Variants in AUTS2 observed in about 807,000 individuals in gnomAD.
AUTS2 encodes the protein activator of transcription and developmental regulator AUTS2.
In AUTS2, 17 loss-of-function variants were observed where a neutral mutation model predicts 112.4. That is an observed-to-expected ratio of 0.15 (90% confidence interval 0.10 to 0.23). AUTS2 has a LOEUF of 0.23. AUTS2 is among the 10% of genes least tolerant of loss of function. AUTS2 has a pLI of 1.00. For missense variants in AUTS2, 1,510 were observed against 1,701.6 expected, an observed-to-expected ratio of 0.89 and a Z score of 1.98; for synonymous variants, 751 against 702.7, an observed-to-expected ratio of 1.07 and a Z score of -1.09.
intron 18 of AUTS2, among the ~76,000 whole-genome samples, chr7:70,789,382 A>G (rs1791726126): frequency 6.6e-6 from 1 of 152,160 alleles, no homozygotes; most frequent in Non-Finnish European, 1.5e-5. Flanking sequence ...GGGAGTCCAG[A>G]CAGTCGGGCT....
rs912996674 is a variant in AUTS2 at position 70,766,483 on chromosome 7, C to T, written c.1689+149C>T. On this transcript the variant is annotated intron_variant, in intron 9 of 18. Transcript: ENST00000342771. The surrounding 1 kb of genome is among the most constrained non-coding windows in gnomAD (Gnocchi z 4.8). Reference sequence around the variant, plus strand: ...GGAGAGAAGGGAATGTGTCCTAGTGCCCTGCCTCAGGCAGCTCTGACTTCA... The same window carrying T: ...GGAGAGAAGGGAATGTGTCCTAGTGTCCTGCCTCAGGCAGCTCTGACTTCA... The T allele has an allele frequency of 7.7e-6, 8 of 1,038,174 alleles. No individual in the cohort carries two copies. Among genetic ancestry groups the T allele is most frequent in the Middle Eastern group, 2.9e-4 (1 of 3,482 alleles). The allele number at this position is 1,038,174 out of a possible 1,614,324, so 64.3% of individuals were successfully genotyped here. A position where few individuals can be genotyped will look rare whatever the true frequency, so the allele number is the denominator to read the frequency against.
chr7:70,147,034 A>T (rs1053522136), intron 4 of AUTS2, among the ~76,000 whole-genome samples: 6 of 152,122 alleles, frequency 3.9e-5, no homozygotes, highest in Admixed American at 6.6e-5. Flanking sequence ...TACAGTACAC[A>T]TTACCAAGTT....
At chr7:69,660,891 G>C (rs1446596695) in intron 1 of AUTS2, among the ~76,000 whole-genome samples, 1 of 152,202 alleles carries the variant, frequency 6.6e-6, no homozygotes, top group African/African-American at 2.4e-5. Context: ...CTGAGATCGC[G>C]CCACTGCACT....
intron 3 of AUTS2, among the ~76,000 whole-genome samples, chr7:70,130,427 T>C (rs910667378): frequency 6.6e-6 from 1 of 152,026 alleles, no homozygotes; most frequent in African/African-American, 2.4e-5. Context: ...AGTGAAGAGA[T>C]GGAAGGAAAG....
chr7:70,219,140 C>T (rs191118404), intron 4 of AUTS2, among the ~76,000 whole-genome samples: 11 of 152,106 alleles, frequency 7.2e-5, no homozygotes, highest in African/African-American at 1.7e-4. Context: ...AGAGACATAC[C>T]GTATGATGGG....
At chr7:70,450,963 A>T (rs896093340) in intron 5 of AUTS2, among the ~76,000 whole-genome samples, 6 of 152,098 alleles carry the variant, frequency 3.9e-5, no homozygotes, top group African/African-American at 7.2e-5. Flanking sequence ...GATGGAGAAA[A>T]TAGGAGCTCA....
intron 1 of AUTS2, among the ~76,000 whole-genome samples, chr7:69,741,029 C>T (rs954271802): frequency 2.0e-5 from 3 of 152,132 alleles, no homozygotes; most frequent in African/African-American, 4.8e-5. Flanking sequence ...GGAAAGATTT[C>T]CTTTGGAGAG....
chr7:70,432,243 A>T (rs952443618), intron 4 of AUTS2, among the ~76,000 whole-genome samples: 1 of 152,174 alleles, frequency 6.6e-6, no homozygotes, highest in Non-Finnish European at 1.5e-5. Flanking sequence ...TGCATCTGAC[A>T]TGCCTTTTCC....
chr7:70,196,324 T>C (rs1810172102), intron 4 of AUTS2, among the ~76,000 whole-genome samples: 1 of 152,180 alleles, frequency 6.6e-6, no homozygotes, highest in African/African-American at 2.4e-5. Context: ...CAGCCTCATA[T>C]CTCCTTGTGG....
At chr7:70,537,063 G>A (rs1181385566) in intron 5 of AUTS2, among the ~76,000 whole-genome samples, 8 of 152,048 alleles carry the variant, frequency 5.3e-5, no homozygotes, top group Non-Finnish European at 5.9e-5. Context: ...CTTTAAGGCC[G>A]CTGAAACCCA....
intron 1 of AUTS2, among the ~76,000 whole-genome samples, chr7:69,658,093 G>T (rs1795625816): frequency 6.6e-6 from 1 of 152,198 alleles, no homozygotes; most frequent in Admixed American, 6.5e-5. Flanking sequence ...TTGAATTTCA[G>T]TGTTCATAAA....
At chr7:70,780,359 A>T (rs1034240456) in intron 14 of AUTS2, among the ~76,000 whole-genome samples, 38 of 152,248 alleles carry the variant, frequency 2.5e-4, no homozygotes, top group African/African-American at 8.7e-4. Flanking sequence ...TAGCCTGAGG[A>T]TAGATAAATA....
chr7:70,387,500 C>A (rs1485335661), intron 4 of AUTS2, among the ~76,000 whole-genome samples: 2 of 152,182 alleles, frequency 1.3e-5, no homozygotes, highest in Non-Finnish European at 2.9e-5. Context: ...CCTCATAACA[C>A]CATCTGGCTC....
chr7:70,232,941 T>C (rs1812135779), intron 4 of AUTS2, among the ~76,000 whole-genome samples: 1 of 152,218 alleles, frequency 6.6e-6, no homozygotes, highest in Non-Finnish European at 1.5e-5. Context: ...TAGTATTTGA[T>C]TGAAGATTAA....
At chr7:70,470,537 A>G (rs900222404) in intron 5 of AUTS2, among the ~76,000 whole-genome samples, 1 of 152,210 alleles carries the variant, frequency 6.6e-6, no homozygotes, top group African/African-American at 2.4e-5. Flanking sequence ...CCTAGAGTCA[A>G]CGCTATCTAA....
At chr7:70,485,806 T>C (rs1281298663) in intron 5 of AUTS2, among the ~76,000 whole-genome samples, 1 of 152,012 alleles carries the variant, frequency 6.6e-6, no homozygotes, top group Non-Finnish European at 1.5e-5. Flanking sequence ...TTGCTGTTCA[T>C]TTCCATCCAG....
At chr7:70,237,427 C>G (rs1812384632) in intron 4 of AUTS2, among the ~76,000 whole-genome samples, 1 of 152,174 alleles carries the variant, frequency 6.6e-6, no homozygotes, top group African/African-American at 2.4e-5. Context: ...CTGAGCAATT[C>G]TAGAAACTGA....
rs560588987 is a variant in AUTS2 at position 70,502,244 on chromosome 7, G to A, written c.690+66463G>A. On this transcript the variant is annotated intron_variant, in intron 5 of 18. Coordinates refer to ENST00000342771, the MANE Select transcript of AUTS2 (RefSeq NM_015570.4). ...TTACGAATTGCTTCAGGTCCACCTC[G>A]TACCCTTTCCCTCTCCAGCCATGTT... is the stretch of plus-strand genomic sequence containing the variant. Among the ~76,000 whole-genome samples the A allele has an allele frequency of 2.6e-5, 4 of 152,230 alleles. No individual in the cohort carries two copies. The South Asian group carries it at 8.3e-4, about 32-fold the overall frequency.
intron 6 of AUTS2, among the ~76,000 whole-genome samples, chr7:70,711,996 C>T (rs1810078902): frequency 6.6e-6 from 1 of 150,854 alleles, no homozygotes; most frequent in African/African-American, 2.4e-5. Flanking sequence ...TGCATTTTCA[C>T]TCTGTTCCCT....
Sources: allele counts gnomAD v4.1 joint callset (sites outside exome capture counted in the v4.1 genomes callset), GRCh38; gene constraint gnomAD v4.1.1; non-coding constraint Gnocchi (gnomAD v3.1); transcripts MANE v1.5; gene names NCBI Gene and HGNC (gene_info 2026-07-23, HGNC 2026-07-21).